Variants in JMJD1C observed in about 807,000 individuals in gnomAD.
JMJD1C encodes the protein jumonji domain containing 1C.
Under a neutral mutation model 245.3 loss-of-function variants are expected in JMJD1C, and 31 were observed. The observed-to-expected ratio is 0.13, with a 90% CI of 0.09 to 0.17. JMJD1C has a LOEUF of 0.17. Ranked by LOEUF, JMJD1C falls within the 10% of genes least tolerant of loss-of-function variation. JMJD1C has a pLI of 1.00. For missense variants in JMJD1C, 2,691 were observed against 3,000.2 expected, an observed-to-expected ratio of 0.90 and a Z score of 2.41; for synonymous variants, 1,057 against 1,017.4, an observed-to-expected ratio of 1.04 and a Z score of -0.74.
chr10:63,372,688 A>C (rs1402952976), intron 2 of JMJD1C, among the ~76,000 whole-genome samples: 4 of 152,226 alleles, frequency 2.6e-5, no homozygotes, highest in Admixed American at 6.5e-5. Flanking sequence ...TGGGTAAAGC[A>C]CTGTGCTAGA....
At chr10:63,191,515 C>G (rs1844796832) in intron 16 of JMJD1C, among the ~76,000 whole-genome samples, 1 of 152,188 alleles carries the variant, frequency 6.6e-6, no homozygotes, top group African/African-American at 2.4e-5. Flanking sequence ...GAGATAAAAA[C>G]TGAAGGAAGC....
chr10:63,237,400 C>A (rs575155240), intron 3 of JMJD1C, among the ~76,000 whole-genome samples: 2 of 152,226 alleles, frequency 1.3e-5, no homozygotes, highest in African/African-American at 4.8e-5. Flanking sequence ...CAAATTAATA[C>A]CACATCGAAG....
At chr10:63,408,941 C>A (rs1473973856) in intron 1 of JMJD1C, among the ~76,000 whole-genome samples, 2 of 152,064 alleles carry the variant, frequency 1.3e-5, no homozygotes, top group Non-Finnish European at 2.9e-5. Context: ...CCTGAATGTA[C>A]TGAAATGATT....
At chr10:63,351,740 A>G (rs941172462) in intron 2 of JMJD1C, among the ~76,000 whole-genome samples, 1 of 152,196 alleles carries the variant, frequency 6.6e-6, no homozygotes, top group African/African-American at 2.4e-5. Context: ...AACCTACCCT[A>G]ATTCTTTTTA....
intron 1 of JMJD1C, among the ~76,000 whole-genome samples, chr10:63,424,939 A>G (rs1360597064): frequency 6.6e-6 from 1 of 152,078 alleles, no homozygotes; most frequent in Non-Finnish European, 1.5e-5. Flanking sequence ...TCCCGCCACT[A>G]TTTCTCATGC....
At chr10:63,246,186 T>G (rs551413151) in intron 3 of JMJD1C, among the ~76,000 whole-genome samples, 50 of 152,158 alleles carry the variant, frequency 3.3e-4, no homozygotes, top group African/African-American at 1.1e-3. Flanking sequence ...TTTTCAAAAC[T>G]TGAGAAGGAG....
intron 2 of JMJD1C, among the ~76,000 whole-genome samples, chr10:63,370,759 C>G (rs1946249714): frequency 6.6e-6 from 1 of 152,088 alleles, no homozygotes; most frequent in Non-Finnish European, 1.5e-5. Flanking sequence ...TAGCAAAACA[C>G]AAATAATACC....
At chr10:63,510,008 T>C (rs1296581248) in intron 1 of JMJD1C, among the ~76,000 whole-genome samples, 2 of 26,118 alleles carry the variant, frequency 7.7e-5, no homozygotes, top group Non-Finnish European at 3.1e-4. Context: ...ATTTTAGATC[T>C]TTTTTTTTTT....
chr10:63,261,923 A>G (rs1203577238), intron 3 of JMJD1C, among the ~76,000 whole-genome samples: 1 of 152,224 alleles, frequency 6.6e-6, no homozygotes, highest in Non-Finnish European at 1.5e-5. Flanking sequence ...TTAAAAACTT[A>G]CATGTACCTA....
chr10:63,393,063 TTG>T (rs1219000168), intron 1 of JMJD1C, among the ~76,000 whole-genome samples: 2 of 152,008 alleles, frequency 1.3e-5, no homozygotes, highest in Non-Finnish European at 2.9e-5. Flanking sequence ...GCCCAGGAGT[TTG>T]AGGCCAGCCT....
rs1266397124 is a variant in JMJD1C at position 63,207,183 on chromosome 10, T to G, written c.4486A>C (p.Ser1496Arg). The change falls in exon 10 of 26, where the codon AGT (serine) becomes CGT (arginine). Residue 1496 changes from serine to arginine, a missense_variant. Physicochemically the swap from Ser to Arg is moderately radical, Grantham distance 110 (BLOSUM62 -1). This residue lies in a region of JMJD1C where 1,562 missense variants were observed against 1,490.7 expected (regional missense o/e 1.05). Transcript: ENST00000399262. ...KAALAAAQYKSSNASETEPNA... is the reference protein window; with the variant it reads ...KAALAAAQYKRSNASETEPNA... ...GGTTCAGTCTCACTGGCATTACTAC[T>G]TTTATACTGAGCTGCAGCCAATGCT... is the stretch of plus-strand genomic sequence containing the variant. 6.2e-7 allele frequency: 1 copy of G among 1,614,202 alleles called. No individual in the cohort carries two copies. Among genetic ancestry groups the G allele is most frequent in the East Asian group, 2.2e-5 (1 of 44,890 alleles).
intron 2 of JMJD1C, among the ~76,000 whole-genome samples, chr10:63,266,383 A>AGGATTTCATAAAATCCTATT (rs1383730691): frequency 1.4e-5 from 2 of 147,546 alleles, no homozygotes; most frequent in East Asian, 1.9e-4. Flanking sequence ...AAAATCCTAT[A>AGGATTTCATAAAATCCTATT]GGATTTCATA....
intron 1 of JMJD1C, among the ~76,000 whole-genome samples, chr10:63,419,726 A>G (rs1480972128): frequency 6.6e-6 from 1 of 151,946 alleles, no homozygotes; most frequent in Non-Finnish European, 1.5e-5. Flanking sequence ...AGCTTTGAGT[A>G]ATCAAGGTGG....
intron 8 of JMJD1C, 123 bp from the exon 9 acceptor site, chr10:63,209,358 C>A (rs577768330): frequency 4.9e-6 from 3 of 614,616 alleles, no homozygotes; most frequent in African/African-American, 3.8e-5. Flanking sequence ...ATAGCAGTTT[C>A]TTTGGGAAAC....
chr10:63,465,649 G>C lies in JMJD1C; in HGVS notation c.14C>G (p.Thr5Arg), dbSNP rs781548095. The C allele has an allele frequency of 4.4e-6, 7 of 1,609,054 alleles. No homozygotes were observed. Among genetic ancestry groups the C allele is most frequent in the Non-Finnish European group, 5.9e-6 (7 of 1,179,872 alleles). Residue 5 changes from threonine to arginine, a missense_variant, in exon 1 of 26, where the codon ACG becomes AGG. Transcript: ENST00000399262. Reference protein sequence around the residue: MAVETRAELVGKRFL... With the variant: MAVERRAELVGKRFL... ...CCGCTTACCCACCAGCTCTGCCCGCGTCTCTACCGCCATAGCTGTCGCTGC... is the reference window on the plus strand; with the variant it reads ...CCGCTTACCCACCAGCTCTGCCCGCCTCTCTACCGCCATAGCTGTCGCTGC...
rs564960277 is a variant in JMJD1C, at chr10:63,414,904, C to T, written c.169-34422G>A. Among the ~76,000 whole-genome samples, 3 of 132,908 alleles carry T rather than the reference C, an allele frequency of 2.3e-5. No individual in the cohort carries two copies. The South Asian group carries it at 7.6e-4, about 34-fold the overall frequency. 87.2% of individuals were successfully genotyped at this position (132,908 alleles called of 152,430 possible). The stretch of plus-strand genomic sequence containing the variant: ...CCTGGGCGATACAGCAAGACTCTAT[C>T]TCAAAAAAAAAAAAAAATTATTCCA... On this transcript the variant is annotated intron_variant, in intron 1 of 25. Transcript: ENST00000399262.
chr10:63,261,432 T>A (rs1046920314), intron 3 of JMJD1C, among the ~76,000 whole-genome samples: 1 of 151,954 alleles, frequency 6.6e-6, no homozygotes, highest in African/African-American at 2.4e-5. Flanking sequence ...AATACAAATA[T>A]TAGCTGGGAG....
intron 4 of JMJD1C, among the ~76,000 whole-genome samples, chr10:63,218,455 T>C (rs762037375): frequency 6.6e-6 from 1 of 152,124 alleles, no homozygotes; most frequent in Non-Finnish European, 1.5e-5. Flanking sequence ...CCATATCCAT[T>C]ATATGAACTT....
At chr10:63,441,785 T>C (rs985890146) in intron 1 of JMJD1C, among the ~76,000 whole-genome samples, 4 of 152,224 alleles carry the variant, frequency 2.6e-5, no homozygotes, top group African/African-American at 9.6e-5. Flanking sequence ...CCTTTGTTTT[T>C]ATTCTCATTA....
Sources: allele counts gnomAD v4.1 joint callset (sites outside exome capture counted in the v4.1 genomes callset), GRCh38; gene constraint gnomAD v4.1.1; regional missense constraint gnomAD v4.1.1; transcripts MANE v1.5; gene names NCBI Gene and HGNC (gene_info 2026-07-23, HGNC 2026-07-21).